The following CASZ1 variants were observed in gnomAD, a reference collection of about 807,000 sequenced individuals.
The protein encoded by CASZ1 is castor zinc finger 1.
A neutral mutation model predicts 135.2 loss-of-function variants in CASZ1; 28 were observed. The observed-to-expected ratio is 0.21, with a 90% confidence interval of 0.15 to 0.28. CASZ1 has a LOEUF of 0.28. Ranked by LOEUF, CASZ1 falls within the 10% of genes least tolerant of loss-of-function variation. The pLI is 1.00. For missense variants in CASZ1, 2,161 were observed against 2,453.3 expected, an observed-to-expected ratio of 0.88 and a Z score of 2.52; for synonymous variants, 1,068 against 1,073.4, an observed-to-expected ratio of 0.99 and a Z score of 0.10.
At chr1:10,743,945 T>TA (rs35995858) in intron 2 of CASZ1, among the ~76,000 whole-genome samples, 2,399 of 151,644 alleles carry the variant, frequency 0.016, 75 homozygotes, top group African/African-American at 0.055. Context: ...GTGAAGGATA[T>TA]AAAAAATCCA....
rs1204721495 is a variant in CASZ1, at chr1:10,756,004, C to A, written c.-77+4697G>T. Among the ~76,000 whole-genome samples the A allele has an allele frequency of 6.6e-6, 1 of 152,120 alleles. No homozygotes were observed. Among genetic ancestry groups the A allele is most frequent in the African/African-American group, 2.4e-5 (1 of 41,420 alleles). ...ACCATAGAGGCGGAAAGCAGAAAAA[C>A]CTCCCACGCGTGCACAGATGCACAC... On this transcript the variant is annotated intron_variant, in intron 2 of 20. Transcript: ENST00000377022. The surrounding 1 kb of genome is among the most constrained non-coding windows in gnomAD (Gnocchi z 5.9).
chr1:10,671,992 C>T (rs977599524), intron 4 of CASZ1, among the ~76,000 whole-genome samples: 9 of 152,168 alleles, frequency 5.9e-5, no homozygotes, highest in Admixed American at 5.2e-4. Flanking sequence ...TGCCAGAGAC[C>T]GGAGTGGGAG....
intron 1 of CASZ1, among the ~76,000 whole-genome samples, chr1:10,764,760 C>T (rs535417410): frequency 6.6e-6 from 1 of 152,308 alleles, no homozygotes; most frequent in African/African-American, 2.4e-5. Context: ...GACCAAGTCC[C>T]CCAGAGCCAC....
chr1:10,646,214 G>A lies in CASZ1; in HGVS notation c.3610C>T (p.Leu1204=), dbSNP rs1329565097. The A allele has an allele frequency of 2.5e-6, 4 of 1,614,102 alleles. No homozygotes were observed. Among genetic ancestry groups the A allele is most frequent in the Non-Finnish European group, 3.4e-6 (4 of 1,180,054 alleles). ...KTSGKAESHC[L]DHINPNNNLV... ...TTGTTGTTGGGGTTGATGTGGTCCA[G>A]GCAGTGGGATTCGGCCTTGCCAGAC... The change falls in exon 17 of 21, where the codon CTG becomes TTG. Residue 1204 remains leucine, a synonymous_variant. Coordinates refer to ENST00000377022, the MANE Select transcript of CASZ1 (RefSeq NM_001079843.3). This position sits in a 1 kb window ranked among gnomAD's most constrained non-coding sequence, Gnocchi z 6.4.
Position 10,639,710 on chromosome 1 carries a change from G to A in CASZ1, c.4512C>T (p.Ala1504=), listed in dbSNP as rs1356744853. 4 of 1,593,266 alleles carry A rather than the reference G, an allele frequency of 2.5e-6. No individual in the cohort carries two copies. Among genetic ancestry groups the A allele is most frequent in the Admixed American group, 3.5e-5 (2 of 56,636 alleles). ...RFKASLSCHF[A]DCPFSGTSTH... Reference sequence around the variant, plus strand: ...TGCTGGTGCCCGAGAAGGGGCAGTCGGCGAAGTGGCAGCTGAGTGAGGCCT... The same window carrying A: ...TGCTGGTGCCCGAGAAGGGGCAGTCAGCGAAGTGGCAGCTGAGTGAGGCCT... The change falls in exon 21 of 21, where the codon GCC becomes GCT. Residue 1504 remains alanine (A), a synonymous_variant. Transcript: ENST00000377022. The surrounding 1 kb of genome is among the most constrained non-coding windows in gnomAD (Gnocchi z 4.0).
chr1:10,687,728 T>G (rs1049553472), intron 4 of CASZ1, among the ~76,000 whole-genome samples: 1 of 152,192 alleles, frequency 6.6e-6, no homozygotes, highest in Admixed American at 6.5e-5. Flanking sequence ...ACCCTCTGGC[T>G]GCAGCCATCC....
rs180739758 is a variant in CASZ1, at chr1:10,762,555, A to C, written c.-233-1698T>G. Among the ~76,000 whole-genome samples the C allele has an allele frequency of 5.9e-5, 9 of 152,062 alleles. No homozygotes were observed. The highest frequency in any genetic ancestry group is 1.0e-4 in the Non-Finnish European group (7 of 67,988). The stretch of plus-strand genomic sequence containing the variant: ...GCCCTGGGCAGCCCGTCCACCCACA[A>C]AACTCCCCTGGGCTAGAAGAAGGCA... On this transcript the variant is annotated intron_variant, in intron 1 of 20. Coordinates refer to ENST00000377022, the MANE Select transcript of CASZ1 (RefSeq NM_001079843.3). The surrounding 1 kb of genome is among the most constrained non-coding windows in gnomAD (Gnocchi z 4.1).
At chr1:10,730,913 C>T (rs1461647710) in intron 2 of CASZ1, among the ~76,000 whole-genome samples, 1 of 151,782 alleles carries the variant, frequency 6.6e-6, no homozygotes, top group Non-Finnish European at 1.5e-5. Context: ...CAAGACCAGC[C>T]TGGACAACAT....
rs199602220 is a variant in CASZ1 at position 10,740,969 on chromosome 1, A to AGAAAAAAAAG, written c.-77+19731_-77+19732insCTTTTTTTTC. 1.5e-3 allele frequency among the ~76,000 whole-genome samples: 202 copies of AGAAAAAAAAG among 132,262 alleles called. 2 individuals are homozygous for AGAAAAAAAAG. The highest frequency in any genetic ancestry group is 5.6e-3 in the African/African-American group (198 of 35,340). 86.8% of individuals were successfully genotyped at this position (132,262 alleles called of 152,430 possible). A position where few individuals can be genotyped will look rare whatever the true frequency, so the allele number is the denominator to read the frequency against. ...TGAGACCCTGTCTGGACAAAAAAAA[A>AGAAAAAAAAG]AAAAAAAAGAAAAAAAAGTCTAAAA... On this transcript the variant is annotated intron_variant, in intron 2 of 20. Coordinates refer to ENST00000377022, the MANE Select transcript of CASZ1 (RefSeq NM_001079843.3).
intron 1 of CASZ1, among the ~76,000 whole-genome samples, chr1:10,796,170 T>C (rs955190976): frequency 2.6e-5 from 4 of 151,174 alleles, no homozygotes; most frequent in Non-Finnish European, 3.0e-5. Flanking sequence ...TGCAAAGTCC[T>C]GTGCTCGCGC....
intron 4 of CASZ1, among the ~76,000 whole-genome samples, chr1:10,690,390 T>C (rs1439983193): frequency 6.6e-6 from 1 of 152,164 alleles, no homozygotes; most frequent in Admixed American, 6.5e-5. Flanking sequence ...AGACACCGTC[T>C]AGAAGAAGTC....
rs890261329 is a variant in CASZ1 at position 10,706,061 on chromosome 1, G to A, written c.-76-517C>T. Among the ~76,000 whole-genome samples the A allele has an allele frequency of 1.1e-4, 16 of 152,230 alleles. No homozygotes were observed. The highest frequency in any genetic ancestry group is 3.4e-4 in the African/African-American group (14 of 41,462). On this transcript the variant is annotated intron_variant, in intron 2 of 20. Coordinates refer to ENST00000377022, the MANE Select transcript of CASZ1 (RefSeq NM_001079843.3). The surrounding 1 kb of genome is among the most constrained non-coding windows in gnomAD (Gnocchi z 4.3). ...AAGTTGGTGACAGAGGGGCAAGGGC[G>A]GGCCAGGGGCCAAGGCATCAGGAAG...
intron 2 of CASZ1, among the ~76,000 whole-genome samples, chr1:10,723,160 G>A (rs1045829461): frequency 3.3e-5 from 5 of 152,240 alleles, no homozygotes; most frequent in East Asian, 1.9e-4. Flanking sequence ...TAAACCGGAC[G>A]TGGGAAGGCC....
Position 10,776,055 on chromosome 1 carries a change from T to C in CASZ1, c.-233-15198A>G, listed in dbSNP as rs1640657429. 6.6e-6 allele frequency among the ~76,000 whole-genome samples: 1 copy of C among 152,158 alleles called. No homozygotes were observed. Among genetic ancestry groups the C allele is most frequent in the Admixed American group, 6.5e-5 (1 of 15,282 alleles). ...GGTCCCTGTAGCTAATTTACACCCGTCAGGGTTTAAAATAGCAGAGGCATA... is the reference window on the plus strand; with the variant it reads ...GGTCCCTGTAGCTAATTTACACCCGCCAGGGTTTAAAATAGCAGAGGCATA... On this transcript the variant is annotated intron_variant, in intron 1 of 20. Coordinates refer to ENST00000377022, the MANE Select transcript of CASZ1 (RefSeq NM_001079843.3). This position sits in a 1 kb window ranked among gnomAD's most constrained non-coding sequence, Gnocchi z 4.1.
rs937107916 is a variant in CASZ1 at position 10,701,280 on chromosome 1, C to T, written c.-24+4212G>A. 7.9e-5 allele frequency among the ~76,000 whole-genome samples: 12 copies of T among 152,272 alleles called. No homozygotes were observed. The highest frequency in any genetic ancestry group is 1.7e-4 in the African/African-American group (7 of 41,548). On this transcript the variant is annotated intron_variant, in intron 3 of 20. Coordinates refer to ENST00000377022, the MANE Select transcript of CASZ1 (RefSeq NM_001079843.3). The surrounding 1 kb of genome is among the most constrained non-coding windows in gnomAD (Gnocchi z 6.3). ...CTGCCCACCGTGGCAGCCGGGTTCC[C>T]GTGCGCACTCTCCCTGTCTCGCAGA... is the stretch of plus-strand genomic sequence containing the variant.
chr1:10,789,501 T>C (rs899712096), intron 1 of CASZ1, among the ~76,000 whole-genome samples: 1 of 151,876 alleles, frequency 6.6e-6, no homozygotes, highest in Non-Finnish European at 1.5e-5. Flanking sequence ...TGATAATGAG[T>C]TCCGAAGGAG....
chr1:10,723,707 T>C (rs1322897564), intron 2 of CASZ1, among the ~76,000 whole-genome samples: 1 of 152,226 alleles, frequency 6.6e-6, no homozygotes, highest in Non-Finnish European at 1.5e-5. Context: ...CCCCCATCTC[T>C]GAATCTTCCT....
chr1:10,643,032 G>A, intron 19 of CASZ1, 32 bp from the exon 20 acceptor site: 2 of 1,606,706 alleles, frequency 1.2e-6, no homozygotes, highest in Non-Finnish European at 1.7e-6. Context: ...TGAGGAAGTG[G>A]GGCTGTGGGG....
In CASZ1 at chr1:10,638,542, C is replaced by T. The variant is rs886660677; in HGVS notation, c.*400G>A. ...GCCAGCGGCTCCAGGAGCCACCCCG[C>T]CCTGGTGGCGCGCGGTGGGGGTCCC... On this transcript the variant is annotated 3_prime_UTR_variant, in exon 21 of 21. Coordinates refer to ENST00000377022, the MANE Select transcript of CASZ1 (RefSeq NM_001079843.3). The surrounding 1 kb of genome is among the most constrained non-coding windows in gnomAD (Gnocchi z 5.9). 3 of 152,050 alleles carry T rather than the reference C, an allele frequency of 2.0e-5. No homozygotes were observed. Among genetic ancestry groups the T allele is most frequent in the Non-Finnish European group, 2.9e-5 (2 of 67,970 alleles). The allele number at this position is 152,050 out of a possible 1,614,324, so 9.4% of individuals were successfully genotyped here.
Sources: allele counts gnomAD v4.1 joint callset (sites outside exome capture counted in the v4.1 genomes callset), GRCh38; gene constraint gnomAD v4.1.1; non-coding constraint Gnocchi (gnomAD v3.1); transcripts MANE v1.5; gene names NCBI Gene and HGNC (gene_info 2026-07-23, HGNC 2026-07-21).